The following USP34 variants were observed in gnomAD, a reference collection of about 807,000 sequenced individuals.
USP34 encodes the protein ubiquitin specific peptidase 34.
Under a neutral mutation model 460.3 loss-of-function variants are expected in USP34, and 70 were observed. The ratio of observed to expected loss-of-function variants is 0.15; its 90% CI spans 0.13 to 0.19. The LOEUF is 0.19. USP34 is among the 10% of genes least tolerant of loss of function. The pLI is 1.00. For missense variants in USP34, 3,985 were observed against 4,236.2 expected, an observed-to-expected ratio of 0.94 and a Z score of 1.65; for synonymous variants, 1,647 against 1,405.3, an observed-to-expected ratio of 1.17 and a Z score of -3.85.
intron 5 of USP34, among the ~76,000 whole-genome samples, chr2:61,392,149 G>C (rs920265439): frequency 6.6e-6 from 1 of 152,098 alleles, no homozygotes; most frequent in Non-Finnish European, 1.5e-5. Flanking sequence ...TTGGGCAACA[G>C]CGTAACCCCA....
chr2:61,447,847 T>G (rs1042525932), intron 1 of USP34, among the ~76,000 whole-genome samples: 2 of 152,012 alleles, frequency 1.3e-5, no homozygotes, highest in Non-Finnish European at 2.9e-5. Context: ...TCCCAAGTAG[T>G]TGGGATTGCA....
intron 62 of USP34, among the ~76,000 whole-genome samples, chr2:61,225,199 T>G (rs898688432): frequency 6.6e-6 from 1 of 152,196 alleles, no homozygotes; most frequent in Non-Finnish European, 1.5e-5. Flanking sequence ...AAATAAGTTA[T>G]GCAAAACCCT....
At chr2:61,312,683 C>A (rs1299181068) in intron 25 of USP34, among the ~76,000 whole-genome samples, 1 of 152,124 alleles carries the variant, frequency 6.6e-6, no homozygotes, top group Non-Finnish European at 1.5e-5. Context: ...TCCACAGTGG[C>A]ACTACTGACA....
At chr2:61,243,599 T>C (rs1302909620) in intron 51 of USP34, among the ~76,000 whole-genome samples, 2 of 148,650 alleles carry the variant, frequency 1.3e-5, no homozygotes, top group Non-Finnish European at 3.0e-5. Context: ...TTCGGCTGAG[T>C]ACGGTGGCTC....
In USP34 at chr2:61,348,446, T is replaced by C. The variant is rs1275012845; in HGVS notation, c.1709A>G (p.Asn570Ser). Residue 570 changes from asparagine to serine, a missense_variant, in exon 15 of 80, where the codon AAC (asparagine) becomes AGC (serine). Asn to Ser is a conservative substitution (Grantham distance 46). Around this residue, in one of 14 missense-constraint regions of USP34, gnomAD observed 716 missense variants for 626.2 expected, o/e 1.14. Coordinates refer to ENST00000398571, the MANE Select transcript of USP34 (RefSeq NM_014709.4). ...SMQGSSDETA[N>S]SGEDGSSGPG... ...ACCACTGCTTCCATCTTCACCACTGTTGGCAGTTTCGTCAGAACTTCCCTG... is the reference window on the plus strand; with the variant it reads ...ACCACTGCTTCCATCTTCACCACTGCTGGCAGTTTCGTCAGAACTTCCCTG... 6.8e-6 allele frequency: 11 copies of C among 1,613,148 alleles called. No individual in the cohort carries two copies. Among genetic ancestry groups the C allele is most frequent in the African/African-American group, 2.7e-5 (2 of 74,940 alleles).
At chr2:61,287,535 A>G (rs1282548289) in intron 34 of USP34, among the ~76,000 whole-genome samples, 1 of 152,188 alleles carries the variant, frequency 6.6e-6, no homozygotes, top group Non-Finnish European at 1.5e-5. Context: ...CTAAGGCAGC[A>G]AGGCCAACCC....
chr2:61,441,390 C>A (rs1337092230), intron 1 of USP34, among the ~76,000 whole-genome samples: 1 of 152,012 alleles, frequency 6.6e-6, no homozygotes, highest in Non-Finnish European at 1.5e-5. Context: ...ATGAGAAAGG[C>A]AGTAAATTTT....
chr2:61,389,088 T>C (rs1000716399), intron 5 of USP34, among the ~76,000 whole-genome samples: 2 of 152,048 alleles, frequency 1.3e-5, no homozygotes, highest in African/African-American at 4.8e-5. Flanking sequence ...CAAATTGTAG[T>C]GTTTAGGGAT....
At chr2:61,268,250 C>T (rs1173886389) in intron 41 of USP34, among the ~76,000 whole-genome samples, 1 of 151,596 alleles carries the variant, frequency 6.6e-6, no homozygotes, top group East Asian at 1.9e-4. Context: ...GTAAACTGGG[C>T]CGGGTACAAT....
chr2:61,364,225 T>C (rs1692361069), intron 10 of USP34, among the ~76,000 whole-genome samples: 1 of 152,008 alleles, frequency 6.6e-6, no homozygotes, highest in African/African-American at 2.4e-5. Flanking sequence ...ATACAAAAAT[T>C]AGGTAGGCAT....
At chr2:61,231,816 A>T (rs978777765) in intron 58 of USP34, among the ~76,000 whole-genome samples, 10 of 101,962 alleles carry the variant, frequency 9.8e-5, no homozygotes, top group South Asian at 5.3e-4. Context: ...CCTCTAAAAA[A>T]ATATATATAC....
rs528436872 is a variant in USP34 at position 61,296,136 on chromosome 2, T to A, written c.4254+664A>T. 3.9e-5 allele frequency among the ~76,000 whole-genome samples: 6 copies of A among 152,200 alleles called. No individual in the cohort carries two copies. In the South Asian group the frequency reaches 1.2e-3, roughly 32 times the overall value. ...GAGCCAGGCATGGTGCACACGCCTA[T>A]GGTCTCAGCTACTGGGGAAGGTTGG... is the stretch of plus-strand genomic sequence containing the variant. On this transcript the variant is annotated intron_variant, in intron 30 of 79. Transcript: ENST00000398571.
chr2:61,333,229 A>G (rs144878551), intron 19 of USP34, among the ~76,000 whole-genome samples: 2 of 152,100 alleles, frequency 1.3e-5, no homozygotes, highest in African/African-American at 4.8e-5. Context: ...TTCATTAATC[A>G]TAAGTTCTCC....
chr2:61,350,392 A>G lies in USP34; in HGVS notation c.1378-3T>C, dbSNP rs1308565155. 1 of 1,593,876 alleles carries G rather than the reference A, an allele frequency of 6.3e-7. No homozygotes were observed. The highest frequency in any genetic ancestry group is 8.5e-7 in the Non-Finnish European group (1 of 1,171,522). On this transcript the variant is annotated splice_polypyrimidine_tract_variant and splice_region_variant and intron_variant, in intron 11 of 79. Coordinates refer to ENST00000398571, the MANE Select transcript of USP34 (RefSeq NM_014709.4). ...AACATGGATGCCAAGTACAGTGTCT[A>G]AAAAAAAGAGGGAGAGATTTCAGTT...
chr2:61,403,678 G>A (rs1693784400), intron 3 of USP34, among the ~76,000 whole-genome samples: 1 of 152,126 alleles, frequency 6.6e-6, no homozygotes, highest in Non-Finnish European at 1.5e-5. Context: ...GAGCAGGAGT[G>A]AGTGAAAGTT....
chr2:61,316,415 A>G (rs928575659), intron 23 of USP34, among the ~76,000 whole-genome samples: 1 of 147,784 alleles, frequency 6.8e-6, no homozygotes, highest in Non-Finnish European at 1.5e-5. Context: ...TGAAAACCCA[A>G]CTCTACTAAA....
chr2:61,348,925 T>C (rs1278889406), intron 13 of USP34, 39 bp from the exon 14 acceptor site: 3 of 1,573,254 alleles, frequency 1.9e-6, no homozygotes, highest in Admixed American at 3.7e-5. Flanking sequence ...TTCTAATTTA[T>C]ATTAACATTG....
intron 5 of USP34, among the ~76,000 whole-genome samples, chr2:61,387,419 C>A (rs895664251): frequency 6.6e-6 from 1 of 151,480 alleles, no homozygotes; most frequent in Non-Finnish European, 1.5e-5. Context: ...GAGCCAAGAT[C>A]GCACCACTGC....
In USP34 at chr2:61,420,812, T is replaced by A; in HGVS notation, c.65A>T (p.Asp22Val). 6.2e-7 allele frequency: 1 copy of A among 1,610,780 alleles called. No individual in the cohort carries two copies. The highest frequency in any genetic ancestry group is 8.5e-7 in the Non-Finnish European group (1 of 1,178,390). The change falls in exon 2 of 80, where the codon GAT (aspartate) becomes GTT (valine). Residue 22 changes from aspartate (D) to valine (V), a missense_variant. Physicochemically the swap from Asp to Val is radical, Grantham distance 152. Transcript: ENST00000398571. ...ATGTTCCTTTCTGAGCTGCAGTCCATCACCACCTTCTACATCTGATACTGA... is the reference window on the plus strand; with the variant it reads ...ATGTTCCTTTCTGAGCTGCAGTCCAACACCACCTTCTACATCTGATACTGA... ...LNEISDVEGGDGLQLRKEHTL... is the reference protein window; with the variant it reads ...LNEISDVEGGVGLQLRKEHTL...
Sources: gnomAD v4.1 joint callset for allele counts (sites outside exome capture counted in the v4.1 genomes callset) on GRCh38, gnomAD v4.1.1 for gene constraint, gnomAD v4.1.1 regional missense constraint, MANE v1.5 for transcripts, NCBI Gene and HGNC (gene_info 2026-07-23, HGNC 2026-07-21) for gene names.